Variants in FSBP observed in about 807,000 individuals in gnomAD.
FSBP encodes fibrinogen silencer binding protein, also known as fibrinogen silencer-binding protein.
FSBP carries 18 observed loss-of-function variants against 24.6 expected under a neutral mutation model. That is an observed-to-expected ratio of 0.73 (90% confidence interval 0.51 to 1.08). The LOEUF (loss-of-function observed/expected upper bound fraction) is 1.08, where lower values mean the gene tolerates loss of function less well. Ranked by LOEUF, FSBP falls within the 50% of genes least tolerant of loss-of-function variation. The probability of loss-of-function intolerance (pLI) is 0.00; values close to 1 mark genes in which losing one functional copy is unlikely to be tolerated. For synonymous variants in FSBP, 110 were observed against 125.8 expected (o/e 0.87, Z 0.84); for missense variants, 305 against 347.6 (o/e 0.88, Z 0.98).
chr8:94,434,194 C>T (rs962337914), intron 1 of FSBP, among the ~76,000 whole-genome samples: 1 of 151,844 alleles, frequency 6.6e-6, no homozygotes, highest in African/African-American at 2.4e-5. Flanking sequence ...GTTTTTAAAA[C>T]CACATAATTA....
chr8:94,432,462 C>G lies in FSBP; in HGVS notation c.569G>C (p.Arg190Thr), dbSNP rs1357140039. The G allele has an allele frequency of 1.3e-6, 2 of 1,550,480 alleles. No individual in the cohort carries two copies. Among genetic ancestry groups the G allele is most frequent in the African/African-American group, 2.7e-5 (2 of 73,150 alleles). The change falls in exon 2 of 2, where the codon AGA (arginine) becomes ACA (threonine). Residue 190 changes from arginine (R) to threonine (T), a missense_variant. Transcript: ENST00000481490. ...AGAGGAAAGTGAAGGCGACAAGGAT[C>G]TTTCCATAACATGTACTAATTCATG... ...EEHELVHVME[R>T]SLSPSLSSVD... is the part of the protein sequence containing the mutation.
rs1812275991 is a variant in FSBP at position 94,436,794 on chromosome 8, A to G, written c.75T>C (p.Tyr25=). Residue 25 remains tyrosine (Y), a synonymous_variant, in exon 1 of 2, where the codon TAT becomes TAC. Coordinates refer to ENST00000481490, the MANE Select transcript of FSBP (RefSeq NM_001256141.2). ...KLDLLKLVKP[Y]VKILEEHTNK... ...TAGTGTGTTCTTCGAGAATTTTCACATATGGCTTCACAAGCTTTAGCAAAT... is the reference window on the plus strand; with the variant it reads ...TAGTGTGTTCTTCGAGAATTTTCACGTATGGCTTCACAAGCTTTAGCAAAT... The G allele has an allele frequency of 1.3e-6, 2 of 1,549,998 alleles. No individual in the cohort carries two copies. Among genetic ancestry groups the G allele is most frequent in the East Asian group, 2.4e-5 (1 of 40,916 alleles).
rs1040809908 is a variant in FSBP at position 94,428,995 on chromosome 8, T to C, written c.*3136A>G. The C allele has an allele frequency of 5.1e-6, 5 of 983,034 alleles. No individual in the cohort carries two copies. Among genetic ancestry groups the C allele is most frequent in the South Asian group, 9.4e-5 (2 of 21,228 alleles). 60.9% of individuals were successfully genotyped at this position (983,034 alleles called of 1,614,324 possible). On this transcript the variant is annotated 3_prime_UTR_variant, in exon 2 of 2. Coordinates refer to ENST00000481490, the MANE Select transcript of FSBP (RefSeq NM_001256141.2). ...CTCATAAACTATACTATGTTAATCATGGTTATACAAGGGGAGGTAGACAAT... is the reference window on the plus strand; with the variant it reads ...CTCATAAACTATACTATGTTAATCACGGTTATACAAGGGGAGGTAGACAAT...
In FSBP at chr8:94,431,837, G is replaced by C; in HGVS notation, c.*294C>G. 9.6e-7 allele frequency: 1 copy of C among 1,046,376 alleles called. No homozygotes were observed. Among genetic ancestry groups the C allele is most frequent in the Non-Finnish European group, 1.2e-6 (1 of 864,760 alleles). 64.8% of individuals were successfully genotyped at this position (1,046,376 alleles called of 1,614,324 possible). A position where few individuals can be genotyped will look rare whatever the true frequency, so the allele number is the denominator to read the frequency against. On this transcript the variant is annotated 3_prime_UTR_variant, in exon 2 of 2. Coordinates refer to ENST00000481490, the MANE Select transcript of FSBP (RefSeq NM_001256141.2). ...GACTCAGAACTTTGAAAGAATATGT[G>C]TTTGTATATGCATTTGTGTATATCT...
chr8:94,433,689 G>T (rs577807994), intron 1 of FSBP, among the ~76,000 whole-genome samples: 1 of 151,572 alleles, frequency 6.6e-6, no homozygotes, highest in South Asian at 2.1e-4. Flanking sequence ...AAGAATATCT[G>T]CTCCTTGAGG....
chr8:94,436,700 C>T lies in FSBP; in HGVS notation c.169G>A (p.Gly57Arg). 6.4e-7 allele frequency: 1 copy of T among 1,550,638 alleles called. No individual in the cohort carries two copies. Among genetic ancestry groups the T allele is most frequent in the Non-Finnish European group, 8.7e-7 (1 of 1,146,992 alleles). Residue 57 changes from glycine (G) to arginine (R), a missense_variant, in exon 1 of 2, where the codon GGA becomes AGA. Coordinates refer to ENST00000481490, the MANE Select transcript of FSBP (RefSeq NM_001256141.2). The stretch of plus-strand genomic sequence containing the variant: ...GCTGTTCGAGGAGGGCGGTCTACTC[C>T]AATTGCATTATAGTTAACTGCTATG... ...DIIAVNYNAI[G>R]VDRPPRTAQG...
rs938866069 is a variant in FSBP, at chr8:94,431,652, C to T, written c.*479G>A. On this transcript the variant is annotated 3_prime_UTR_variant, in exon 2 of 2. Coordinates refer to ENST00000481490, the MANE Select transcript of FSBP (RefSeq NM_001256141.2). ...AAAAAAGTGTTCTCCAAATATCTTC[C>T]ATCTCTAAAATCCTAGGATTTACTC... 3.9e-5 allele frequency: 38 copies of T among 962,156 alleles called. No individual in the cohort carries two copies. The highest frequency in any genetic ancestry group is 4.5e-5 in the Non-Finnish European group (36 of 808,976). The allele number at this position is 962,156 out of a possible 1,614,324, so 59.6% of individuals were successfully genotyped here.
In FSBP at chr8:94,431,312, A is replaced by G; in HGVS notation, c.*819T>C. 4 of 977,408 alleles carry G rather than the reference A, an allele frequency of 4.1e-6. No homozygotes were observed. Among genetic ancestry groups the G allele is most frequent in the Non-Finnish European group, 4.9e-6 (4 of 822,678 alleles). The allele number at this position is 977,408 out of a possible 1,614,324, so 60.5% of individuals were successfully genotyped here. Reference sequence around the variant, plus strand: ...TCTTTAAATCACACAGCCAAAATATATAATAGCTTCAATGGAATACCTTAT... The same window carrying G: ...TCTTTAAATCACACAGCCAAAATATGTAATAGCTTCAATGGAATACCTTAT... On this transcript the variant is annotated 3_prime_UTR_variant, in exon 2 of 2. Transcript: ENST00000481490.
In FSBP at chr8:94,428,769, T is replaced by C; in HGVS notation, c.*3362A>G. The C allele has an allele frequency of 3.0e-6, 3 of 985,268 alleles. No individual in the cohort carries two copies. The highest frequency in any genetic ancestry group is 3.6e-6 in the Non-Finnish European group (3 of 829,832). The allele number at this position is 985,268 out of a possible 1,614,324, so 61.0% of individuals were successfully genotyped here. A position where few individuals can be genotyped will look rare whatever the true frequency, so the allele number is the denominator to read the frequency against. ...GTACTAGCAAACTTTCCCCTATATA[T>C]TCCCCTTAATGAAACTTGTCCTCAA... On this transcript the variant is annotated 3_prime_UTR_variant, in exon 2 of 2. Transcript: ENST00000481490.
At position 94,429,424 on chromosome 8, in the gene FSBP, C is replaced by T. The variant is rs934039380; in HGVS notation, c.*2707G>A. 9.6e-5 allele frequency: 87 copies of T among 910,718 alleles called. 1 individual carries two copies. The highest frequency in any genetic ancestry group is 1.1e-4 in the Non-Finnish European group (85 of 762,298). 56.4% of individuals were successfully genotyped at this position (910,718 alleles called of 1,614,324 possible). On this transcript the variant is annotated 3_prime_UTR_variant, in exon 2 of 2. Coordinates refer to ENST00000481490, the MANE Select transcript of FSBP (RefSeq NM_001256141.2). ...TTAACACAGATCTCTTTTCTAGAAA[C>T]ATCTCACAGAATTAATGTTCCACAG...
chr8:94,428,663 C>T lies in FSBP; in HGVS notation c.*3468G>A. 3 of 779,858 alleles carry T rather than the reference C, an allele frequency of 3.8e-6. No homozygotes were observed. Among genetic ancestry groups the T allele is most frequent in the Non-Finnish European group, 4.7e-6 (3 of 642,730 alleles). The allele number at this position is 779,858 out of a possible 1,614,324, so 48.3% of individuals were successfully genotyped here. On this transcript the variant is annotated 3_prime_UTR_variant, in exon 2 of 2. Transcript: ENST00000481490. ...TATTGTTGTACTGTTATTTATTTTTCTGCCTGAATATTTTCAATCCACAGT... is the reference window on the plus strand; with the variant it reads ...TATTGTTGTACTGTTATTTATTTTTTTGCCTGAATATTTTCAATCCACAGT...
Position 94,432,086 on chromosome 8 carries a change from T to C in FSBP, c.*45A>G. ...CAGGATATTCCCAAATTAAAGTAAT[T>C]TGGCCAAAATCAAAATTATCAAATT... On this transcript the variant is annotated 3_prime_UTR_variant, in exon 2 of 2. Transcript: ENST00000481490. 1 of 1,494,148 alleles carries C rather than the reference T, an allele frequency of 6.7e-7. No homozygotes were observed. The highest frequency in any genetic ancestry group is 1.4e-5 in the African/African-American group (1 of 70,606). The allele number at this position is 1,494,148 out of a possible 1,614,324, so 92.6% of individuals were successfully genotyped here.
rs1018371867 is a variant in FSBP at position 94,430,351 on chromosome 8, G to A, written c.*1780C>T. On this transcript the variant is annotated 3_prime_UTR_variant, in exon 2 of 2. Coordinates refer to ENST00000481490, the MANE Select transcript of FSBP (RefSeq NM_001256141.2). ...AAGTATTTAATGTAATTCATAATCT[G>A]GTATCAACCATCATCCAAATTTATA... The A allele has an allele frequency of 2.0e-6, 2 of 981,918 alleles. No homozygotes were observed. Among genetic ancestry groups the A allele is most frequent in the Non-Finnish European group, 2.4e-6 (2 of 827,384 alleles). 60.8% of individuals were successfully genotyped at this position (981,918 alleles called of 1,614,324 possible).
Position 94,429,760 on chromosome 8 carries a change from AAAG to A in FSBP, c.*2368_*2370del, listed in dbSNP as rs371861833. The A allele has an allele frequency of 2.0e-6, 2 of 984,690 alleles. No homozygotes were observed. The highest frequency in any genetic ancestry group is 2.4e-6 in the Non-Finnish European group (2 of 829,362). The allele number at this position is 984,690 out of a possible 1,614,324, so 61.0% of individuals were successfully genotyped here. ...ATATATTCAGGACATCTTTATAATT[AAAG>A]AAGTTAACTCTACCAGCTATAAAAC... On this transcript the variant is annotated 3_prime_UTR_variant, in exon 2 of 2. Transcript: ENST00000481490.
At chr8:94,435,948 A>C (rs1812246252) in intron 1 of FSBP, among the ~76,000 whole-genome samples, 1 of 152,148 alleles carries the variant, frequency 6.6e-6, no homozygotes, top group South Asian at 2.1e-4. Context: ...TTAGAAAAAT[A>C]ATTTAAACTG....
Position 94,432,507 on chromosome 8 carries a change from G to C in FSBP, c.524C>G (p.Thr175Ser). 6.4e-7 allele frequency: 1 copy of C among 1,550,594 alleles called. No homozygotes were observed. Among genetic ancestry groups the C allele is most frequent in the Non-Finnish European group, 8.7e-7 (1 of 1,146,872 alleles). Residue 175 changes from threonine (T) to serine (S), a missense_variant, in exon 2 of 2, where the codon ACT becomes AGT. By Grantham distance (58) the Thr-to-Ser change is moderately conservative (BLOSUM62 1). Coordinates refer to ENST00000481490, the MANE Select transcript of FSBP (RefSeq NM_001256141.2). ...PLVLNSQQSD[T>S]LEQREEHELV... is the part of the protein sequence containing the mutation. ...TTCATGTTCTTCTCTTTGCTCTAAA[G>C]TATCACTCTGTTGAGAATTTAAAAC...
Position 94,431,358 on chromosome 8 carries a change from TAG to T in FSBP, c.*771_*772del. 1.0e-6 allele frequency: 1 copy of T among 984,696 alleles called. No individual in the cohort carries two copies. The highest frequency in any genetic ancestry group is 1.2e-6 in the Non-Finnish European group (1 of 829,304). 61.0% of individuals were successfully genotyped at this position (984,696 alleles called of 1,614,324 possible). On this transcript the variant is annotated 3_prime_UTR_variant, in exon 2 of 2. Transcript: ENST00000481490. ...CTTATCTATTTTGCTGGAACAAAAA[TAG>T]AGAGAGAATGGGGGTAATTGATGTA...
Position 94,427,877 on chromosome 8 carries a change from C to CA in FSBP, c.*4253dup. On this transcript the variant is annotated 3_prime_UTR_variant, in exon 2 of 2. Transcript: ENST00000481490. ...CAAAAGAAGGCACATGAAAAAAACT[C>CA]ATAGTTTAAACATTTTCACATAAGT... The CA allele has an allele frequency of 3.1e-6, 3 of 956,088 alleles. No individual in the cohort carries two copies. The South Asian group carries it at 1.5e-4, about 46-fold the overall frequency. The allele number at this position is 956,088 out of a possible 1,614,324, so 59.2% of individuals were successfully genotyped here. A position where few individuals can be genotyped will look rare whatever the true frequency, so the allele number is the denominator to read the frequency against.
At position 94,429,251 on chromosome 8, in the gene FSBP, A is replaced by C; in HGVS notation, c.*2880T>G. On this transcript the variant is annotated 3_prime_UTR_variant, in exon 2 of 2. Transcript: ENST00000481490. ...CAATCTTAAACAATGCTGCAGAAAA[A>C]TATGATTGTAGCAGACTATGTTTAT... 2 of 534,110 alleles carry C rather than the reference A, an allele frequency of 3.7e-6. No individual in the cohort carries two copies. Among genetic ancestry groups the C allele is most frequent in the Non-Finnish European group, 4.8e-6 (2 of 417,846 alleles). The allele number at this position is 534,110 out of a possible 1,614,324, so 33.1% of individuals were successfully genotyped here.
Sources: allele counts gnomAD v4.1 joint callset (sites outside exome capture counted in the v4.1 genomes callset), GRCh38; gene constraint gnomAD v4.1.1; transcripts MANE v1.5; gene names NCBI Gene and HGNC (gene_info 2026-07-23, HGNC 2026-07-21).